Variants in MMP7 observed in about 807,000 individuals in gnomAD.
MMP7 encodes the protein matrilysin.
In MMP7, 26 loss-of-function variants were observed where a neutral mutation model predicts 31.5. That is an observed-to-expected ratio of 0.83 (90% CI 0.61 to 1.15). MMP7 has a LOEUF of 1.15. Ranked by LOEUF, MMP7 falls within the 50% of genes most tolerant of loss-of-function variation. MMP7 has a pLI of 0.00. For missense variants in MMP7, 367 were observed against 326.5 expected (o/e 1.12, Z -0.96); for synonymous variants, 142 against 124.2 (o/e 1.14, Z -0.95).
At chr11:102,529,885 C>T (rs17098317) in intron 1 of MMP7, among the ~76,000 whole-genome samples, 1,869 of 152,254 alleles carry the variant, frequency 0.012, 42 homozygotes, top group African/African-American at 0.043. Flanking sequence ...GATTAAATGA[C>T]ACAATGTCTA....
rs1357846721 is a variant in MMP7, at chr11:102,523,333, G to A, written c.682C>T (p.Pro228Ser). The A allele has an allele frequency of 6.2e-7, 1 of 1,613,326 alleles. No individual in the cohort carries two copies. Among genetic ancestry groups the A allele is most frequent in the Non-Finnish European group, 8.5e-7 (1 of 1,179,584 alleles). The stretch of plus-strand genomic sequence containing the variant: ...TAGGTTGGATACATCACTGCATTAG[G>A]ATCAGAGGAATGTCCCATACCCAAA... ...HSLGMGHSSD[P>S]NAVMYPTYGN... The change falls in exon 5 of 6, where the codon CCT becomes TCT. Residue 228 changes from proline to serine, a missense_variant. Transcript: ENST00000260227.
chr11:102,525,207 G>A (rs1211014736), intron 3 of MMP7, 143 bp from the exon 4 acceptor site: 20 of 956,678 alleles, frequency 2.1e-5, no homozygotes, highest in African/African-American at 3.4e-5. Context: ...CGAGGCCGAG[G>A]TGGGCGGATC....
rs2135905766 is a variant in MMP7 at position 102,527,857 on chromosome 11, T to C, written c.235A>G (p.Ile79Val). 1 of 1,614,208 alleles carries C rather than the reference T, an allele frequency of 6.2e-7. No individual in the cohort carries two copies. Among genetic ancestry groups the C allele is most frequent in the Non-Finnish European group, 8.5e-7 (1 of 1,180,024 alleles). The change falls in exon 2 of 6, where the codon ATA becomes GTA. Residue 79 changes from isoleucine (I) to valine (V), a missense_variant. Ile to Val is a conservative substitution (Grantham distance 29, BLOSUM62 3). Coordinates refer to ENST00000260227, the MANE Select transcript of MMP7 (RefSeq NM_002423.5). Reference sequence around the variant, plus strand: ...CATCTGGGCTTCTGCATTATTTCTATGACGCGGGAGTTTAACATTCCAGTT... The same window carrying C: ...CATCTGGGCTTCTGCATTATTTCTACGACGCGGGAGTTTAACATTCCAGTT... ...PITGMLNSRV[I>V]EIMQKPRCGV...
chr11:102,521,012 C>A (rs1858607294), intron 5 of MMP7, among the ~76,000 whole-genome samples: 2 of 152,094 alleles, frequency 1.3e-5, no homozygotes, highest in Non-Finnish European at 2.9e-5. Context: ...GGCTCAGGTA[C>A]CTTTGCATCT....
At chr11:102,528,088 A>G (rs1209284537) in intron 1 of MMP7, 105 bp from the exon 2 acceptor site, 6 of 795,888 alleles carry the variant, frequency 7.5e-6, no homozygotes, top group South Asian at 7.4e-5. Flanking sequence ...TCAAATAATG[A>G]TTTGAAGACA....
chr11:102,520,630 A>T lies in MMP7; in HGVS notation c.*146T>A. 1.7e-6 allele frequency: 1 copy of T among 599,284 alleles called. No individual in the cohort carries two copies. Among genetic ancestry groups the T allele is most frequent in the Non-Finnish European group, 2.9e-6 (1 of 344,462 alleles). The allele number at this position is 599,284 out of a possible 1,614,324, so 37.1% of individuals were successfully genotyped here. On this transcript the variant is annotated 3_prime_UTR_variant, in exon 6 of 6. Coordinates refer to ENST00000260227, the MANE Select transcript of MMP7 (RefSeq NM_002423.5). ...CATAAAGGAGTTTATCCTTAAAAGG[A>T]GTGAAAGACATTCAAAAACCAACTG...
chr11:102,527,701 A>AC (rs879598667), intron 2 of MMP7, 29 bp from the exon 3 acceptor site: 1 of 1,594,512 alleles, frequency 6.3e-7, no homozygotes, highest in African/African-American at 1.3e-5. Flanking sequence ...ACAATGTTTG[A>AC]CCCCTAGGAA....
chr11:102,523,415 A>T lies in MMP7; in HGVS notation c.614-14T>A. 1 of 1,562,732 alleles carries T rather than the reference A, an allele frequency of 6.4e-7. No individual in the cohort carries two copies. The highest frequency in any genetic ancestry group is 8.7e-7 in the Non-Finnish European group (1 of 1,154,216). ...GGAAGTTAATCCCTACAACCGAAGAAGTGACAAACAGTAATGATAAAAATA... is the reference window on the plus strand; with the variant it reads ...GGAAGTTAATCCCTACAACCGAAGATGTGACAAACAGTAATGATAAAAATA... On this transcript the variant is annotated splice_polypyrimidine_tract_variant and intron_variant, in intron 4 of 5. Transcript: ENST00000260227.
At chr11:102,526,094 T>C (rs903411625) in intron 3 of MMP7, among the ~76,000 whole-genome samples, 1 of 151,618 alleles carries the variant, frequency 6.6e-6, no homozygotes, top group Admixed American at 6.6e-5. Context: ...ATTTGCACCA[T>C]GAAACACTAG....
In MMP7 at chr11:102,524,920, A is replaced by T. The variant is rs747916110; in HGVS notation, c.613+16T>A. ...TTAAAACGGATGTGGAGTAGAAGAG[A>T]CATGAGATGCTATACCTAGACTGCT... On this transcript the variant is annotated intron_variant, in intron 4 of 5. Coordinates refer to ENST00000260227, the MANE Select transcript of MMP7 (RefSeq NM_002423.5). 3 of 1,609,108 alleles carry T rather than the reference A, an allele frequency of 1.9e-6. No individual in the cohort carries two copies. The South Asian group carries it at 3.3e-5, about 18-fold the overall frequency.
chr11:102,523,502 T>A, intron 4 of MMP7, 101 bp from the exon 5 acceptor site: 3 of 1,025,070 alleles, frequency 2.9e-6, no homozygotes, highest in Non-Finnish European at 3.9e-6. Flanking sequence ...TAAAGAAAAA[T>A]ACCCAAGTTT....
At chr11:102,523,189 C>A (rs771980200) in intron 5 of MMP7, 51 bp downstream of exon 5, 2 of 1,422,358 alleles carry the variant, frequency 1.4e-6, no homozygotes, top group Non-Finnish European at 9.6e-7. Flanking sequence ...TTTCCTACCC[C>A]ACTCTAAAAA....
chr11:102,524,810 T>C (rs1401370086), intron 4 of MMP7, 126 bp downstream of exon 4: 2 of 1,015,582 alleles, frequency 2.0e-6, no homozygotes, highest in Non-Finnish European at 2.7e-6. Context: ...ATTTCAGGCA[T>C]ATAGTACAGT....
chr11:102,527,464 G>T, intron 3 of MMP7, 60 bp downstream of exon 3: 1 of 1,596,724 alleles, frequency 6.3e-7, no homozygotes, highest in Non-Finnish European at 8.6e-7. Flanking sequence ...AAAGAGCACT[G>T]ATATAAACCA....
Position 102,530,611 on chromosome 11 carries a change from TAGCTCACTCATGCCTCCCG to T in MMP7, c.71_89del (p.Ala24AspfsTer26). The stretch of plus-strand genomic sequence containing the variant: ...GACATACCTGAGCCTGTTCCCACTG[TAGCTCACTCATGCCTCCCG>T]CCTCCTGAGGCAGCGGCAGGGCCAG... On this transcript the variant is annotated frameshift_variant, in exon 1 of 6. Coordinates refer to ENST00000260227, the MANE Select transcript of MMP7 (RefSeq NM_002423.5). LOFTEE classifies it high-confidence loss of function. 6.2e-7 allele frequency: 1 copy of T among 1,613,940 alleles called. No homozygotes were observed. Among genetic ancestry groups the T allele is most frequent in the Middle Eastern group, 1.7e-4 (1 of 6,060 alleles).
chr11:102,523,394 G>A lies in MMP7; in HGVS notation c.621C>T (p.Asn207=). The change falls in exon 5 of 6, where the codon AAC becomes AAT. Residue 207 remains asparagine, a synonymous_variant. Coordinates refer to ENST00000260227, the MANE Select transcript of MMP7 (RefSeq NM_002423.5). Reference sequence around the variant, plus strand: ...GTTCATGAGTTGCAGCATACAGGAAGTTAATCCCTACAACCGAAGAAGTGA... The same window carrying A: ...GTTCATGAGTTGCAGCATACAGGAAATTAATCCCTACAACCGAAGAAGTGA... The part of the protein sequence containing the change: ...RWTDGSSLGI[N]FLYAATHELG... 1.3e-6 allele frequency: 2 copies of A among 1,599,568 alleles called. No homozygotes were observed. The highest frequency in any genetic ancestry group is 1.7e-5 in the Admixed American group (1 of 58,982).
At chr11:102,525,139 C>A (rs533207345) in intron 3 of MMP7, 75 bp from the exon 4 acceptor site, 67 of 1,522,664 alleles carry the variant, frequency 4.4e-5, no homozygotes, top group Non-Finnish European at 5.6e-5. Flanking sequence ...TCAGTTTATA[C>A]GATTATTGAG....
At chr11:102,527,488 C>G (rs764510234) in intron 3 of MMP7, 36 bp downstream of exon 3, 2 of 1,613,726 alleles carry the variant, frequency 1.2e-6, no homozygotes, top group African/African-American at 1.3e-5. Context: ...ACAAACAAAA[C>G]AGGACACAGG....
At chr11:102,526,228 A>AGTCC (rs1858670466) in intron 3 of MMP7, among the ~76,000 whole-genome samples, 2 of 124,964 alleles carry the variant, frequency 1.6e-5, no homozygotes, top group South Asian at 5.1e-4. Context: ...AAAAAAAAAT[A>AGTCC]TATATATATA....
Sources: allele counts gnomAD v4.1 joint callset (sites outside exome capture counted in the v4.1 genomes callset), GRCh38; gene constraint gnomAD v4.1.1; transcripts MANE v1.5; gene names NCBI Gene and HGNC (gene_info 2026-07-23, HGNC 2026-07-21).